SGCZ: variants seen among roughly 807,000 people sequenced by gnomAD.
SGCZ encodes the protein sarcoglycan zeta.
SGCZ carries 40 observed loss-of-function variants against 41.3 expected under a neutral mutation model. The ratio of observed to expected loss-of-function variants is 0.97; its 90% CI spans 0.75 to 1.26. SGCZ has a LOEUF of 1.26. SGCZ is among the 50% of genes most tolerant of loss of function. The pLI is 0.00. For missense variants in SGCZ, 552 were observed against 369.8 expected (o/e 1.49, Z -4.04); for synonymous variants, 206 against 137.5 (o/e 1.50, Z -3.49).
chr8:14,384,502 T>C (rs188975905), intron 2 of SGCZ, among the ~76,000 whole-genome samples: 120 of 152,298 alleles, frequency 7.9e-4, no homozygotes, highest in African/African-American at 2.9e-3. Context: ...TAGGGAAATA[T>C]TTTATTTAAA....
intron 1 of SGCZ, among the ~76,000 whole-genome samples, chr8:15,155,628 T>C (rs1367621154): frequency 1.3e-5 from 2 of 152,184 alleles, no homozygotes; most frequent in African/African-American, 4.8e-5. Context: ...ATTAATATAA[T>C]TCTCTGCAGA....
At chr8:14,644,628 T>A (rs1807146342) in intron 1 of SGCZ, among the ~76,000 whole-genome samples, 1 of 151,796 alleles carries the variant, frequency 6.6e-6, no homozygotes, top group South Asian at 2.1e-4. Flanking sequence ...CTTGAACTCT[T>A]TTATTTGGGG....
chr8:14,481,966 T>C (rs1051239165), intron 2 of SGCZ, among the ~76,000 whole-genome samples: 1 of 152,166 alleles, frequency 6.6e-6, no homozygotes, highest in African/African-American at 2.4e-5. Flanking sequence ...TGCCTGGGGA[T>C]ACCTACCGGA....
At chr8:14,831,844 A>G (rs1031562636) in intron 1 of SGCZ, among the ~76,000 whole-genome samples, 1 of 148,116 alleles carries the variant, frequency 6.8e-6, no homozygotes, top group Non-Finnish European at 1.5e-5. Context: ...GTGTGCACAT[A>G]CATGTATATA....
chr8:15,043,035 T>A (rs575156547), intron 1 of SGCZ, among the ~76,000 whole-genome samples: 2 of 152,160 alleles, frequency 1.3e-5, no homozygotes, highest in Non-Finnish European at 2.9e-5. Context: ...CCACCTAACC[T>A]TTAACCCATG....
chr8:15,171,724 C>G (rs1251361805), intron 1 of SGCZ, among the ~76,000 whole-genome samples: 1 of 152,136 alleles, frequency 6.6e-6, no homozygotes, highest in Admixed American at 6.5e-5. Context: ...AAGTGGATAT[C>G]AAGCCTGTTG....
intron 1 of SGCZ, among the ~76,000 whole-genome samples, chr8:14,927,370 A>G (rs544076156): frequency 6.6e-6 from 1 of 152,054 alleles, no homozygotes; most frequent in Non-Finnish European, 1.5e-5. Flanking sequence ...CGGCCTCCCA[A>G]AGTGCTGGGA....
chr8:14,114,732 A>G (rs1227607168), intron 5 of SGCZ, among the ~76,000 whole-genome samples: 7 of 152,012 alleles, frequency 4.6e-5, no homozygotes. Context: ...TTTGTTACTA[A>G]TGAAATTAGA....
At chr8:14,643,605 C>A (rs1807098745) in intron 1 of SGCZ, among the ~76,000 whole-genome samples, 1 of 151,362 alleles carries the variant, frequency 6.6e-6, no homozygotes, top group Admixed American at 6.6e-5. Context: ...GACTCCACCT[C>A]CAACCTATTC....
At chr8:14,652,192 T>C (rs905166045) in intron 1 of SGCZ, among the ~76,000 whole-genome samples, 5 of 151,472 alleles carry the variant, frequency 3.3e-5, no homozygotes, top group Non-Finnish European at 5.9e-5. Context: ...AAATACAAAA[T>C]TAGCTGGGCG....
At chr8:15,035,945 T>C (rs1803859249) in intron 1 of SGCZ, among the ~76,000 whole-genome samples, 1 of 151,648 alleles carries the variant, frequency 6.6e-6, no homozygotes, top group Non-Finnish European at 1.5e-5. Context: ...AGAAAATCAA[T>C]AAATAAACAT....
intron 2 of SGCZ, among the ~76,000 whole-genome samples, chr8:14,456,657 C>T (rs1355724491): frequency 1.3e-5 from 2 of 151,978 alleles, no homozygotes; most frequent in Admixed American, 1.3e-4. Context: ...GAATATAGGA[C>T]AGTTGGAATG....
intron 2 of SGCZ, among the ~76,000 whole-genome samples, chr8:14,508,848 T>C (rs1203473610): frequency 2.0e-5 from 3 of 152,178 alleles, no homozygotes; most frequent in Non-Finnish European, 4.4e-5. Flanking sequence ...ACTCTACTAT[T>C]TGGATGATTA....
intron 2 of SGCZ, among the ~76,000 whole-genome samples, chr8:14,346,914 T>G (rs1401619260): frequency 6.6e-6 from 1 of 152,082 alleles, no homozygotes; most frequent in Non-Finnish European, 1.5e-5. Context: ...TCAATCAAAA[T>G]TATTATTTCG....
At chr8:14,751,713 T>G (rs1799503615) in intron 1 of SGCZ, among the ~76,000 whole-genome samples, 2 of 152,078 alleles carry the variant, frequency 1.3e-5, no homozygotes, top group Admixed American at 6.6e-5. Flanking sequence ...CATGCCCGGC[T>G]AATTTTTTGT....
intron 1 of SGCZ, among the ~76,000 whole-genome samples, chr8:14,873,176 C>T (rs1804228969): frequency 6.6e-6 from 1 of 151,960 alleles, no homozygotes; most frequent in South Asian, 2.1e-4. Context: ...AGACAGAATC[C>T]ATGGAGGTAG....
At chr8:14,493,313 G>T (rs6994436) in intron 2 of SGCZ, among the ~76,000 whole-genome samples, 37,578 of 142,536 alleles carry the variant, frequency 0.26, 4,934 homozygotes, top group Admixed American at 0.31. Flanking sequence ...CTTGTCTTCT[G>T]GACTTTGGTC....
intron 2 of SGCZ, among the ~76,000 whole-genome samples, chr8:14,364,992 T>C (rs1414741020): frequency 6.6e-6 from 1 of 152,108 alleles, no homozygotes; most frequent in Non-Finnish European, 1.5e-5. Flanking sequence ...CAGATTTGTT[T>C]TTATATCCAT....
chr8:15,216,574 T>C (rs1801411190), intron 1 of SGCZ, among the ~76,000 whole-genome samples: 1 of 152,120 alleles, frequency 6.6e-6, no homozygotes, highest in Admixed American at 6.6e-5. Context: ...ACAAGTTGTG[T>C]ATAAATATAC....
Sources: allele counts gnomAD v4.1 joint callset (sites outside exome capture counted in the v4.1 genomes callset), GRCh38; gene constraint gnomAD v4.1.1; transcripts MANE v1.5; gene names NCBI Gene and HGNC (gene_info 2026-07-23, HGNC 2026-07-21).